The following TLE4 variants were observed in gnomAD, a reference collection of about 807,000 sequenced individuals.
TLE4 encodes the protein TLE family member 4, transcriptional corepressor, also known as transducin-like enhancer protein 4.
A neutral mutation model predicts 92.8 loss-of-function variants in TLE4; 8 were observed. The observed-to-expected ratio is 0.09, with a 90% CI of 0.05 to 0.16. TLE4 has a LOEUF of 0.16. Among genes scored for constraint, TLE4 ranks in the 10% least tolerant of loss-of-function variants. The pLI is 1.00. For missense variants in TLE4, 675 were observed against 997.6 expected (o/e 0.68, Z 4.36); for synonymous variants, 371 against 374.1 (o/e 0.99, Z 0.10).
chr9:79,676,780 A>G (rs1321714145), intron 8 of TLE4, among the ~76,000 whole-genome samples: 3 of 152,112 alleles, frequency 2.0e-5, no homozygotes, highest in Non-Finnish European at 4.4e-5. Context: ...GATGGACCCT[A>G]TGATTTATTT....
At chr9:79,612,001 G>C (rs1479820852) in intron 4 of TLE4, among the ~76,000 whole-genome samples, 1 of 149,842 alleles carries the variant, frequency 6.7e-6, no homozygotes, top group Non-Finnish European at 1.5e-5. Context: ...ATTGCTTCCT[G>C]CTAAGTGTAA....
At chr9:79,723,149 AC>A in intron 19 of TLE4, 114 bp downstream of exon 19, 1 of 967,276 alleles carries the variant, frequency 1.0e-6, no homozygotes, top group South Asian at 1.5e-5. Context: ...AGTATTATGC[AC>A]ATTGTACAGA....
chr9:79,714,720 T>C (rs1588571141), intron 14 of TLE4, among the ~76,000 whole-genome samples: 1 of 152,374 alleles, frequency 6.6e-6, no homozygotes, highest in East Asian at 1.9e-4. Flanking sequence ...GTTAGTCACT[T>C]GTGGGCAAGA....
intron 8 of TLE4, among the ~76,000 whole-genome samples, chr9:79,677,752 A>G (rs922719722): frequency 3.9e-5 from 6 of 151,936 alleles, no homozygotes; most frequent in African/African-American, 1.2e-4. Context: ...CTTCACAACT[A>G]TCCTGTTTGT....
intron 4 of TLE4, among the ~76,000 whole-genome samples, chr9:79,598,425 A>G (rs1017420006): frequency 2.0e-5 from 3 of 152,052 alleles, no homozygotes; most frequent in African/African-American, 7.2e-5. Context: ...TCAGTGTCCC[A>G]TGCTGGTATG....
chr9:79,580,709 C>G (rs1449714395), intron 4 of TLE4, among the ~76,000 whole-genome samples: 20 of 149,826 alleles, frequency 1.3e-4, no homozygotes, highest in Admixed American at 1.3e-3. Flanking sequence ...TATTCTTACC[C>G]AGTGCCTTTT....
chr9:79,642,258 A>G (rs954353112), intron 6 of TLE4, among the ~76,000 whole-genome samples: 33 of 151,986 alleles, frequency 2.2e-4, no homozygotes, highest in African/African-American at 7.7e-4. Context: ...AAGAAGAAGA[A>G]ATTAGAGATG....
In TLE4 at chr9:79,584,274, T is replaced by G. The variant is rs79764147; in HGVS notation, c.252+8097T>G. Among the ~76,000 whole-genome samples the G allele has an allele frequency of 7.0e-3, 1,073 of 152,354 alleles. 12 individuals are homozygous for G. The highest frequency in any genetic ancestry group is 0.025 in the African/African-American group (1,033 of 41,576). ...AAGAGTGTTACACCGTCATCTCTAG[T>G]GAGAGATCTGATCTGTGTTTGTGTT... On this transcript the variant is annotated intron_variant, in intron 4 of 19. Coordinates refer to ENST00000376552, the MANE Select transcript of TLE4 (RefSeq NM_007005.6).
At chr9:79,629,219 CT>C (rs1051995933) in intron 6 of TLE4, among the ~76,000 whole-genome samples, 1 of 151,124 alleles carries the variant, frequency 6.6e-6, no homozygotes, top group African/African-American at 2.4e-5. Context: ...TTTTTTTTTC[CT>C]TTTTTTGAGT....
chr9:79,627,272 C>G, intron 5 of TLE4, 102 bp from the exon 6 acceptor site: 1 of 1,161,070 alleles, frequency 8.6e-7, no homozygotes, highest in Admixed American at 1.8e-5. Flanking sequence ...CCCCCAAATG[C>G]TGTTTTGCAT....
chr9:79,582,346 T>C lies in TLE4; in HGVS notation c.252+6169T>C, dbSNP rs539982050. 2.0e-5 allele frequency among the ~76,000 whole-genome samples: 3 copies of C among 152,198 alleles called. No homozygotes were observed. The South Asian group carries it at 6.2e-4, about 31-fold the overall frequency. On this transcript the variant is annotated intron_variant, in intron 4 of 19. Coordinates refer to ENST00000376552, the MANE Select transcript of TLE4 (RefSeq NM_007005.6). ...ATATTATTTATTTGTATTTATTATT[T>C]TGATGGGCAAAGTTCTTTGTATCTA...
Position 79,708,136 on chromosome 9 carries a change from C to G in TLE4, c.955C>G (p.Pro319Ala). ...ELSLNEKSTTPVSKSNTPTPR... is the reference protein window; with the variant it reads ...ELSLNEKSTTAVSKSNTPTPR... ...TTGTTAGAATGAAAAATCTACTACT[C>G]CCGTCTCAAAGTCCAATACCCCTAC... The change falls in exon 12 of 20, where the codon CCC becomes GCC. Residue 319 changes from proline to alanine, a missense_variant. By Grantham distance (27) the Pro-to-Ala change is conservative. Around this residue, in one of 5 missense-constraint regions of TLE4, gnomAD observed 280 missense variants for 287.3 expected, o/e 0.97. Transcript: ENST00000376552. 1 of 1,614,010 alleles carries G rather than the reference C, an allele frequency of 6.2e-7. No individual in the cohort carries two copies. Among genetic ancestry groups the G allele is most frequent in the African/African-American group, 1.3e-5 (1 of 75,030 alleles).
chr9:79,602,659 C>G (rs2045915796), intron 4 of TLE4, among the ~76,000 whole-genome samples: 1 of 152,108 alleles, frequency 6.6e-6, no homozygotes, highest in African/African-American at 2.4e-5. Flanking sequence ...AATGGTGTAC[C>G]TAGTCACCCA....
Position 79,694,409 on chromosome 9 carries a change from A to G in TLE4, c.610-10374A>G, listed in dbSNP as rs112672853. ...GGTTAGACCAGAGTAATTTTGGCAC[A>G]TGCTTGGTGAATCAACCTGTTCTTC... On this transcript the variant is annotated intron_variant, in intron 8 of 19. Transcript: ENST00000376552. Among the ~76,000 whole-genome samples, 226 of 152,332 alleles carry G rather than the reference A, an allele frequency of 1.5e-3. 1 individual carries two copies. The highest frequency in any genetic ancestry group is 4.1e-3 in the African/African-American group (171 of 41,570).
At chr9:79,653,606 T>G (rs781180058) in intron 7 of TLE4, among the ~76,000 whole-genome samples, 4 of 152,240 alleles carry the variant, frequency 2.6e-5, no homozygotes, top group Non-Finnish European at 4.4e-5. Context: ...TTCATTGGCT[T>G]GAAGGGTGTG....
intron 14 of TLE4, chr9:79,718,218 C>A: frequency 2.6e-6 from 1 of 381,220 alleles, no homozygotes; most frequent in Non-Finnish European, 5.1e-6. Flanking sequence ...AACGTCTAAG[C>A]CTAGAGGCTC....
At chr9:79,584,087 GT>G (rs1270114549) in intron 4 of TLE4, among the ~76,000 whole-genome samples, 4 of 152,238 alleles carry the variant, frequency 2.6e-5, no homozygotes, top group Non-Finnish European at 4.4e-5. Context: ...AGGTTGCATA[GT>G]GAGAGTCACT....
rs2075816484 is a variant in TLE4, at chr9:79,722,607, C to T, written c.2137+6C>T. 6.2e-7 allele frequency: 1 copy of T among 1,612,904 alleles called. No homozygotes were observed. The highest frequency in any genetic ancestry group is 1.3e-5 in the African/African-American group (1 of 74,880). On this transcript the variant is annotated splice_donor_region_variant and intron_variant, in intron 18 of 19. Transcript: ENST00000376552. Reference sequence around the variant, plus strand: ...GCTCAAGTTTGCCCATTGTGGTAAGCAAGCACCTTTTGTCCATTTTCTGTC... The same window carrying T: ...GCTCAAGTTTGCCCATTGTGGTAAGTAAGCACCTTTTGTCCATTTTCTGTC...
intron 19 of TLE4, among the ~76,000 whole-genome samples, 188 bp from the exon 20 acceptor site, chr9:79,724,849 T>TA (rs947971071): frequency 0.025 from 645 of 25,884 alleles, 131 homozygotes; most frequent in Middle Eastern, 0.077. Context: ...CCTGTCTTAT[T>TA]AAAAAAAAAA....
Sources: allele counts gnomAD v4.1 joint callset (sites outside exome capture counted in the v4.1 genomes callset), GRCh38; gene constraint gnomAD v4.1.1; regional missense constraint gnomAD v4.1.1; transcripts MANE v1.5; gene names NCBI Gene and HGNC (gene_info 2026-07-23, HGNC 2026-07-21).